Variants in ITGA8 observed in about 807,000 individuals in gnomAD.
ITGA8 encodes integrin alpha-8.
ITGA8 carries 91 observed loss-of-function variants against 142.3 expected under a neutral mutation model. That is an observed-to-expected ratio of 0.64 (90% CI 0.54 to 0.76). The LOEUF is 0.76. ITGA8 is among the 30% of genes least tolerant of loss of function. The pLI is 0.00. For synonymous variants in ITGA8, 505 were observed against 485.2 expected, an observed-to-expected ratio of 1.04 and a Z score of -0.54; for missense variants, 1,406 against 1,327.7, an observed-to-expected ratio of 1.06 and a Z score of -0.92.
intron 18 of ITGA8, among the ~76,000 whole-genome samples, 175 bp from the exon 19 acceptor site, chr10:15,605,966 A>T (rs1290386372): frequency 1.3e-5 from 2 of 152,214 alleles, no homozygotes; most frequent in Non-Finnish European, 2.9e-5. Context: ...AGGCTACTTT[A>T]CATAATAGCC....
intron 23 of ITGA8, among the ~76,000 whole-genome samples, chr10:15,575,940 CGTGTGT>C (rs34463146): frequency 3.7e-4 from 55 of 148,938 alleles, no homozygotes; most frequent in African/African-American, 9.6e-4. Flanking sequence ...CATGTGAGAA[CGTGTGT>C]GTGTGTGTGT....
intron 13 of ITGA8, among the ~76,000 whole-genome samples, chr10:15,622,031 G>A (rs1017458451): frequency 1.3e-5 from 2 of 152,146 alleles, no homozygotes; most frequent in Non-Finnish European, 2.9e-5. Context: ...GATGGTGCAT[G>A]CCTGTAATCC....
intron 13 of ITGA8, among the ~76,000 whole-genome samples, chr10:15,642,952 G>T (rs1404894269): frequency 6.6e-6 from 1 of 152,144 alleles, no homozygotes; most frequent in East Asian, 1.9e-4. Flanking sequence ...GTTTTTATAA[G>T]TAGTTGAAAC....
chr10:15,617,068 A>C lies in ITGA8; in HGVS notation c.1400-509T>G, dbSNP rs548932174. On this transcript the variant is annotated intron_variant, in intron 13 of 29. Coordinates refer to ENST00000378076, the MANE Select transcript of ITGA8 (RefSeq NM_003638.3). ...GTATACTTTTGGCAAAGCAATCAGTAGTATATAAAATAACTAACATATTAT... is the reference window on the plus strand; with the variant it reads ...GTATACTTTTGGCAAAGCAATCAGTCGTATATAAAATAACTAACATATTAT... Among the ~76,000 whole-genome samples the C allele has an allele frequency of 5.3e-5, 8 of 151,110 alleles. No individual in the cohort carries two copies. The East Asian group carries it at 1.5e-3, about 29-fold the overall frequency.
chr10:15,687,828 A>G (rs941584452), intron 3 of ITGA8, 110 bp downstream of exon 3: 9 of 660,972 alleles, frequency 1.4e-5, no homozygotes, highest in Non-Finnish European at 1.9e-5. Context: ...CTTATCGTTG[A>G]AAGTCTAACA....
At chr10:15,647,604 AGGCGCCCGCCACC>A (rs1834009765) in intron 11 of ITGA8, among the ~76,000 whole-genome samples, 1 of 151,068 alleles carries the variant, frequency 6.6e-6, no homozygotes, top group Non-Finnish European at 1.5e-5. Context: ...CTGGGACTAC[AGGCGCCCGCCACC>A]GCGCCCGGCT....
At chr10:15,597,166 A>G (rs766342936) in intron 21 of ITGA8, 41 bp downstream of exon 21, 18 of 1,480,076 alleles carry the variant, frequency 1.2e-5, no homozygotes, top group African/African-American at 2.8e-5. Flanking sequence ...TGTGAAGTCC[A>G]GTTAGAAGGA....
intron 13 of ITGA8, among the ~76,000 whole-genome samples, chr10:15,617,621 G>C (rs1177913324): frequency 1.3e-5 from 2 of 152,070 alleles, no homozygotes; most frequent in African/African-American, 4.8e-5. Context: ...GGATGGTGTC[G>C]ATCTCCTGAC....
chr10:15,585,921 C>T (rs531316026), intron 23 of ITGA8, among the ~76,000 whole-genome samples: 4 of 152,078 alleles, frequency 2.6e-5, no homozygotes, highest in South Asian at 2.1e-4. Context: ...AAAGTCATTA[C>T]GCTAAAATAA....
chr10:15,676,476 C>A (rs910613103), intron 6 of ITGA8, among the ~76,000 whole-genome samples: 4 of 152,092 alleles, frequency 2.6e-5, no homozygotes, highest in African/African-American at 7.2e-5. Context: ...AGCCCCATCA[C>A]CACATGCCTT....
At chr10:15,557,066 G>A (rs4750672) in intron 26 of ITGA8, among the ~76,000 whole-genome samples, 59,977 of 151,998 alleles carry the variant, frequency 0.39, 12,496 homozygotes, top group African/African-American at 0.52. Flanking sequence ...GCAATAGGAT[G>A]AGTGGGAGAA....
Position 15,556,552 on chromosome 10 carries a change from T to C in ITGA8, c.2766+1522A>G, listed in dbSNP as rs139856677. On this transcript the variant is annotated intron_variant, in intron 26 of 29. Coordinates refer to ENST00000378076, the MANE Select transcript of ITGA8 (RefSeq NM_003638.3). ...TGTTTGTTTTCTTGCTTTATCCTTA[T>C]TTTATATATCTATTGTAATTTTTAT... Among the ~76,000 whole-genome samples the C allele has an allele frequency of 7.7e-3, 1,173 of 152,320 alleles. 12 individuals are homozygous for C. Among genetic ancestry groups the C allele is most frequent in the African/African-American group, 0.027 (1,104 of 41,554 alleles).
At chr10:15,634,813 G>T (rs1025256557) in intron 13 of ITGA8, among the ~76,000 whole-genome samples, 1 of 152,000 alleles carries the variant, frequency 6.6e-6, no homozygotes. Flanking sequence ...ATAGAATTTC[G>T]AATAGGTCCA....
At chr10:15,671,977 A>G (rs1426536092) in intron 7 of ITGA8, among the ~76,000 whole-genome samples, 3 of 151,920 alleles carry the variant, frequency 2.0e-5, no homozygotes, top group Non-Finnish European at 4.4e-5. Flanking sequence ...TGGCTGTTGC[A>G]TTTTAAGAGC....
intron 23 of ITGA8, among the ~76,000 whole-genome samples, chr10:15,586,048 G>GTTTTTTTTTTTT (rs1564362665): frequency 8.3e-6 from 1 of 120,484 alleles, no homozygotes; most frequent in African/African-American, 3.3e-5. Flanking sequence ...GGAATAAAGT[G>GTTTTTTTTTTTT]ATTTTTTTTT....
intron 26 of ITGA8, among the ~76,000 whole-genome samples, chr10:15,549,976 G>A (rs1369293501): frequency 6.6e-6 from 1 of 152,104 alleles, no homozygotes; most frequent in African/African-American, 2.4e-5. Context: ...GATGTTGTTT[G>A]GCTATGTCCC....
chr10:15,696,114 G>T (rs781396762), intron 2 of ITGA8, among the ~76,000 whole-genome samples: 1 of 152,180 alleles, frequency 6.6e-6, no homozygotes, highest in African/African-American at 2.4e-5. Context: ...GCCGCCTGTC[G>T]TCTGAAGCAG....
intron 25 of ITGA8, among the ~76,000 whole-genome samples, chr10:15,559,602 C>T (rs1833940088): frequency 6.6e-6 from 1 of 151,816 alleles, no homozygotes; most frequent in African/African-American, 2.4e-5. Flanking sequence ...AATGCCAAAT[C>T]CTGCAGAGAA....
At chr10:15,698,410 C>T (rs746636284) in intron 2 of ITGA8, among the ~76,000 whole-genome samples, 3 of 152,168 alleles carry the variant, frequency 2.0e-5, no homozygotes, top group Non-Finnish European at 2.9e-5. Flanking sequence ...GACTTCTTTT[C>T]ATCTGGGTAG....
Sources: gnomAD v4.1 joint callset for allele counts (sites outside exome capture counted in the v4.1 genomes callset) on GRCh38, gnomAD v4.1.1 for gene constraint, MANE v1.5 for transcripts, NCBI Gene and HGNC (gene_info 2026-07-23, HGNC 2026-07-21) for gene names.